Variants in SLC39A8 observed in about 807,000 individuals in gnomAD.
The protein encoded by SLC39A8 is solute carrier family 39 member 8.
SLC39A8 carries 15 observed loss-of-function variants against 40.4 expected under a neutral mutation model. The ratio of observed to expected loss-of-function variants is 0.37; its 90% CI spans 0.25 to 0.57. SLC39A8 has a LOEUF of 0.57. SLC39A8 is among the 20% of genes least tolerant of loss of function. The pLI is 0.75. For synonymous variants in SLC39A8, 223 were observed against 221.6 expected (o/e 1.01, Z -0.06); for missense variants, 472 against 558.8 (o/e 0.84, Z 1.57).
chr4:102,324,411 A>T (rs1256558148), intron 2 of SLC39A8: 1 of 152,682 alleles, frequency 6.5e-6, no homozygotes, highest in Non-Finnish European at 1.5e-5. Context: ...AAAAAAAAAA[A>T]TCCTACAGTT....
chr4:102,294,763 A>G (rs1458063818), intron 6 of SLC39A8, among the ~76,000 whole-genome samples: 3 of 152,090 alleles, frequency 2.0e-5, no homozygotes, highest in East Asian at 3.9e-4. Flanking sequence ...TTAAGAAAAA[A>G]AAACTCAACT....
intron 2 of SLC39A8, among the ~76,000 whole-genome samples, chr4:102,333,161 T>C (rs1735536874): frequency 6.6e-6 from 1 of 152,080 alleles, no homozygotes; most frequent in African/African-American, 2.4e-5. Context: ...ACTTGAAGTC[T>C]AATAAAATAA....
At chr4:102,259,309 C>G (rs1022037856), downstream of SLC39A8, 1 of 484,364 alleles carries the variant, frequency 2.1e-6, no homozygotes, top group African/African-American at 2.0e-5. Flanking sequence ...AAATTATCCA[C>G]GTGTTGCCTC....
At chr4:102,254,715 T>G (rs1731670525) in intron 11 of SLC39A8, among the ~76,000 whole-genome samples, 1 of 152,204 alleles carries the variant, frequency 6.6e-6, no homozygotes, top group African/African-American at 2.4e-5. Flanking sequence ...TCCTTGGAGT[T>G]ATCTATGAAG....
chr4:102,288,836 T>A (rs1032018384), intron 6 of SLC39A8, among the ~76,000 whole-genome samples: 1 of 152,098 alleles, frequency 6.6e-6, no homozygotes, highest in Non-Finnish European at 1.5e-5. Flanking sequence ...GGTAGCAGAA[T>A]TGGTTCATTG....
chr4:102,271,231 A>C (rs1732351483), intron 6 of SLC39A8, among the ~76,000 whole-genome samples: 1 of 152,198 alleles, frequency 6.6e-6, no homozygotes, highest in Non-Finnish European at 1.5e-5. Context: ...AGATAAGGAC[A>C]GACAAGAAGG....
chr4:102,255,148 T>C (rs142976088), intron 11 of SLC39A8, among the ~76,000 whole-genome samples: 1 of 152,314 alleles, frequency 6.6e-6, no homozygotes, highest in East Asian at 1.9e-4. Context: ...GATAGTGAAG[T>C]TCCAGAAAGT....
At position 102,267,861 on chromosome 4, in the gene SLC39A8, G is replaced by C. The variant is rs760263194; in HGVS notation, c.1048+11C>G. The C allele has an allele frequency of 4.6e-5, 75 of 1,613,114 alleles. No individual in the cohort carries two copies. The highest frequency in any genetic ancestry group is 6.3e-5 in the Non-Finnish European group (74 of 1,179,538). On this transcript the variant is annotated intron_variant, in intron 7 of 8. Coordinates refer to ENST00000356736, the MANE Select transcript of SLC39A8 (RefSeq NM_001135146.2). The stretch of plus-strand genomic sequence containing the variant: ...TAAGCAGACTTTTACAATATGAACA[G>C]AGCTCCTTACCTAACTCGTGGGGAA...
At position 102,329,557 on chromosome 4, in the gene SLC39A8, AG is replaced by A. The variant is rs200964240; in HGVS notation, c.220-13728del. Among the ~76,000 whole-genome samples the A allele has an allele frequency of 8.1e-3, 1,193 of 146,754 alleles. 19 individuals are homozygous for A. Among genetic ancestry groups the A allele is most frequent in the African/African-American group, 0.028 (1,107 of 39,640 alleles). On this transcript the variant is annotated intron_variant, in intron 2 of 8. Transcript: ENST00000356736. ...AGAATTGCTTGAACCTGGAAGATGG[AG>A]GTTGCAGTGAGCTGAGATAGTGCCA...
At chr4:102,273,312 T>C (rs566263525) in intron 6 of SLC39A8, among the ~76,000 whole-genome samples, 33 of 152,272 alleles carry the variant, frequency 2.2e-4, no homozygotes, top group Admixed American at 4.6e-4. Context: ...CCCTTCATAA[T>C]GTAAACAAAG....
chr4:102,272,888 G>T (rs1462560041), intron 6 of SLC39A8, among the ~76,000 whole-genome samples: 1 of 152,092 alleles, frequency 6.6e-6, no homozygotes, highest in African/African-American at 2.4e-5. Flanking sequence ...GAGGAGCCAT[G>T]CCATGAGGGA....
chr4:102,318,342 T>C lies in SLC39A8; in HGVS notation c.220-2512A>G, dbSNP rs1440169738. Among the ~76,000 whole-genome samples the C allele has an allele frequency of 2.0e-5, 3 of 152,056 alleles. No homozygotes were observed. The East Asian group carries it at 5.8e-4, about 29-fold the overall frequency. ...GAAGAACACAGAGATGTAGAGATGA[T>C]AAAACTCAAAGCTCCCCTCATGATA... is the stretch of plus-strand genomic sequence containing the variant. On this transcript the variant is annotated intron_variant, in intron 2 of 8. Coordinates refer to ENST00000356736, the MANE Select transcript of SLC39A8 (RefSeq NM_001135146.2).
chr4:102,327,215 C>T (rs1735245372), intron 2 of SLC39A8, among the ~76,000 whole-genome samples: 1 of 152,078 alleles, frequency 6.6e-6, no homozygotes, highest in African/African-American at 2.4e-5. Context: ...GAGTCATGAT[C>T]GTGCCACTGC....
intron 2 of SLC39A8, among the ~76,000 whole-genome samples, chr4:102,328,118 G>A (rs1735296700): frequency 6.6e-6 from 1 of 152,084 alleles, no homozygotes; most frequent in South Asian, 2.1e-4. Context: ...GATGGCCCAT[G>A]GGTTAAATTT....
downstream of SLC39A8, among the ~76,000 whole-genome samples, chr4:102,258,943 A>T (rs1731775319): frequency 3.9e-5 from 6 of 152,330 alleles, no homozygotes; most frequent in South Asian, 1.2e-3. Flanking sequence ...CACTCGGCTC[A>T]CACTAGACCA....
In SLC39A8 at chr4:102,277,769, T is replaced by C. The variant is rs181468593; in HGVS notation, c.841-9690A>G. On this transcript the variant is annotated intron_variant, in intron 6 of 8. Transcript: ENST00000356736. ...GGCTACAGTAACCAAGACAGCATAGTACTGGTACCAAAACAGATATATAGA... is the reference window on the plus strand; with the variant it reads ...GGCTACAGTAACCAAGACAGCATAGCACTGGTACCAAAACAGATATATAGA... 1.5e-3 allele frequency among the ~76,000 whole-genome samples: 222 copies of C among 152,278 alleles called. 4 individuals carry two copies. Among genetic ancestry groups the C allele is most frequent in the East Asian group, 1.9e-3 (10 of 5,188 alleles).
chr4:102,305,485 A>G (rs1248326455), intron 4 of SLC39A8, among the ~76,000 whole-genome samples: 1 of 152,008 alleles, frequency 6.6e-6, no homozygotes, highest in Non-Finnish European at 1.5e-5. Context: ...TAAATGAGAT[A>G]TTGATTACCT....
chr4:102,285,389 A>G lies in SLC39A8; in HGVS notation c.841-17310T>C, dbSNP rs115864456. On this transcript the variant is annotated intron_variant, in intron 6 of 8. Coordinates refer to ENST00000356736, the MANE Select transcript of SLC39A8 (RefSeq NM_001135146.2). ...GACTGAAATTCTCTATCTAAGAAGC[A>G]GACATATAGTAGAATCAAATTTCAC... is the stretch of plus-strand genomic sequence containing the variant. Among the ~76,000 whole-genome samples the G allele has an allele frequency of 5.0e-3, 766 of 152,244 alleles. 8 individuals carry two copies. The highest frequency in any genetic ancestry group is 0.018 in the African/African-American group (730 of 41,566).
At chr4:102,316,199 C>T (rs879264986) in intron 2 of SLC39A8, among the ~76,000 whole-genome samples, 3 of 152,078 alleles carry the variant, frequency 2.0e-5, no homozygotes, top group Non-Finnish European at 4.4e-5. Context: ...TACTTTTCTT[C>T]AGTTTGAATG....
Sources: gnomAD v4.1 joint callset for allele counts (sites outside exome capture counted in the v4.1 genomes callset) on GRCh38, gnomAD v4.1.1 for gene constraint, MANE v1.5 for transcripts, NCBI Gene and HGNC (gene_info 2026-07-23, HGNC 2026-07-21) for gene names.